The following NPSR1 variants were observed in gnomAD, a reference collection of about 807,000 sequenced individuals.
The protein encoded by NPSR1 is neuropeptide S receptor 1.
In NPSR1, 48 loss-of-function variants were observed where a neutral mutation model predicts 46.9. That is an observed-to-expected ratio of 1.02 (90% confidence interval 0.81 to 1.30). The LOEUF (loss-of-function observed/expected upper bound fraction) is 1.30, where lower values mean the gene tolerates loss of function less well. NPSR1 is among the 50% of genes most tolerant of loss of function. The pLI is 0.00. For missense variants in NPSR1, 450 were observed against 449.5 expected (o/e 1.00, Z -0.01); for synonymous variants, 176 against 168.1 (o/e 1.05, Z -0.36).
intron 1 of NPSR1, among the ~76,000 whole-genome samples, chr7:34,676,301 C>T (rs187154258): frequency 6.6e-6 from 1 of 152,278 alleles, no homozygotes; most frequent in Admixed American, 6.5e-5. Flanking sequence ...TGTCTTCATC[C>T]TCATTTTACA....
intron 2 of NPSR1, chr7:34,723,184 T>G (rs997944112): frequency 1.3e-5 from 2 of 152,582 alleles, no homozygotes; most frequent in African/African-American, 2.4e-5. Flanking sequence ...GTTATGTGCC[T>G]CATTTACTCA....
chr7:34,679,638 C>T (rs1445763678), intron 1 of NPSR1, among the ~76,000 whole-genome samples: 3 of 152,032 alleles, frequency 2.0e-5, no homozygotes, highest in Admixed American at 6.5e-5. Context: ...GTTCGTTTCA[C>T]TTAAAGTCAC....
exon 9 of NPSR1, chr7:34,878,163 T>C (rs368014997): frequency 1.2e-6 from 2 of 1,601,006 alleles, no homozygotes; most frequent in Non-Finnish European, 1.7e-6. Flanking sequence ...CAGGTGTACC[T>C]TCCTGGGCTC....
chr7:34,834,348 C>G (rs1461558548), intron 5 of NPSR1, 36 bp from the exon 6 acceptor site: 2 of 1,514,420 alleles, frequency 1.3e-6, no homozygotes, highest in South Asian at 2.3e-5. Flanking sequence ...AGGGATCCAC[C>G]AGTCACTTTA....
At chr7:34,810,697 T>C (rs575941543) in intron 3 of NPSR1, among the ~76,000 whole-genome samples, 1 of 152,350 alleles carries the variant, frequency 6.6e-6, no homozygotes, top group South Asian at 2.1e-4. Context: ...AAAATTAGTT[T>C]AGCTTTAAAA....
chr7:34,746,561 T>C (rs764292127), intron 2 of NPSR1, among the ~76,000 whole-genome samples: 1 of 152,196 alleles, frequency 6.6e-6, no homozygotes, highest in Admixed American at 6.5e-5. Flanking sequence ...AGACCTGCTG[T>C]AATATTTTTG....
intron 3 of NPSR1, among the ~76,000 whole-genome samples, chr7:34,797,354 G>C (rs946233084): frequency 6.6e-6 from 1 of 152,160 alleles, no homozygotes; most frequent in Non-Finnish European, 1.5e-5. Flanking sequence ...TGTCAATGTA[G>C]GTTCATCCAC....
intron 8 of NPSR1, among the ~76,000 whole-genome samples, chr7:34,856,410 T>A (rs1383837058): frequency 6.6e-6 from 1 of 151,624 alleles, no homozygotes; most frequent in Non-Finnish European, 1.5e-5. Flanking sequence ...CCTTGGAGGC[T>A]TCACTGAAAA....
chr7:34,850,840 G>A (rs927751687), downstream of NPSR1, among the ~76,000 whole-genome samples: 19 of 152,058 alleles, frequency 1.2e-4, no homozygotes, highest in Non-Finnish European at 2.2e-4. Flanking sequence ...AGGTTCCTGC[G>A]GCTTTTCCAG....
At chr7:34,792,665 T>TTTTATATATATGTATATATATATTTA (rs1554331486) in intron 3 of NPSR1, among the ~76,000 whole-genome samples, 11 of 78,782 alleles carry the variant, frequency 1.4e-4, no homozygotes, top group African/African-American at 4.5e-4. Context: ...ATATATATAT[T>TTTTATATATATGTATATATATATTTA]TATATATATG....
chr7:34,683,859 C>T (rs1792785666), intron 1 of NPSR1, among the ~76,000 whole-genome samples: 1 of 152,160 alleles, frequency 6.6e-6, no homozygotes, highest in South Asian at 2.1e-4. Context: ...GATTAAATTT[C>T]AACATATAAA....
chr7:34,693,692 T>C (rs323927), intron 2 of NPSR1, among the ~76,000 whole-genome samples: 19,348 of 151,822 alleles, frequency 0.13, 1,316 homozygotes, highest in Middle Eastern at 0.19. Flanking sequence ...ACAACAACAA[T>C]ACAAAAAAAC....
chr7:34,850,927 G>C (rs184532045), downstream of NPSR1, among the ~76,000 whole-genome samples: 1 of 152,198 alleles, frequency 6.6e-6, no homozygotes, highest in African/African-American at 2.4e-5. Flanking sequence ...GGAAGTGCTG[G>C]TGGGGCTTAT....
intron 8 of NPSR1, among the ~76,000 whole-genome samples, chr7:34,873,856 C>T (rs938409943): frequency 1.1e-4 from 17 of 151,632 alleles, no homozygotes; most frequent in African/African-American, 3.4e-4. Context: ...GGCAGGAAGA[C>T]AAGACGGCAG....
chr7:34,795,227 C>A (rs1373580859), intron 3 of NPSR1, among the ~76,000 whole-genome samples: 1 of 151,736 alleles, frequency 6.6e-6, no homozygotes, highest in Non-Finnish European at 1.5e-5. Flanking sequence ...ATTATGATTT[C>A]AAAAAAAATT....
rs781087458 is a variant in NPSR1, at chr7:34,849,633, T to C, written c.1094T>C (p.Leu365Pro). 1.2e-5 allele frequency: 19 copies of C among 1,614,074 alleles called. No homozygotes were observed. The highest frequency in any genetic ancestry group is 2.7e-5 in the African/African-American group (2 of 74,932). ...ACTGAGAGGCATGAGATGCAGATTC[T>C]GTCCAAGCCAGAATTCATCTAGACC... ...ERTERHEMQI[L>P]SKPEFI The change falls in exon 9 of 9, where the codon CTG (leucine) becomes CCG (proline). Residue 365 changes from leucine (L) to proline (P), a missense_variant. By Grantham distance (98) the Leu-to-Pro change is moderately conservative. Coordinates refer to ENST00000360581, the MANE Select transcript of NPSR1 (RefSeq NM_207172.2).
chr7:34,858,742 C>T lies in NPSR1; in HGVS notation c.1025+10079C>T, dbSNP rs13309524. ...TCCCATTTTTAAAACCATCAGATCT[C>T]GTAAGACCCATTCACTATCACAAGA... On this transcript the variant is annotated intron_variant, in intron 8 of 8. Transcript: ENST00000359791. Among the ~76,000 whole-genome samples, 7 of 151,826 alleles carry T rather than the reference C, an allele frequency of 4.6e-5. No homozygotes were observed. In the East Asian group the frequency reaches 1.4e-3, roughly 29 times the overall value.
At chr7:34,808,892 A>G (rs1307573596) in intron 3 of NPSR1, among the ~76,000 whole-genome samples, 1 of 152,156 alleles carries the variant, frequency 6.6e-6, no homozygotes, top group Non-Finnish European at 1.5e-5. Context: ...CCTGCCTTAA[A>G]TGCCTGAAGA....
At chr7:34,866,198 C>A (rs1226174744) in intron 8 of NPSR1, among the ~76,000 whole-genome samples, 1 of 151,676 alleles carries the variant, frequency 6.6e-6, no homozygotes, top group Non-Finnish European at 1.5e-5. Context: ...AGGTGGATGC[C>A]GATGGATTGG....
Sources: allele counts gnomAD v4.1 joint callset (sites outside exome capture counted in the v4.1 genomes callset), GRCh38; gene constraint gnomAD v4.1.1; transcripts MANE v1.5; gene names NCBI Gene and HGNC (gene_info 2026-07-23, HGNC 2026-07-21).